AP2B1: variants seen among roughly 807,000 people sequenced by gnomAD.
AP2B1 encodes the protein adaptor related protein complex 2 subunit beta 1, also known as AP-2 complex subunit beta.
Under a neutral mutation model 102.0 loss-of-function variants are expected in AP2B1, and 23 were observed. The ratio of observed to expected loss-of-function variants is 0.23; its 90% confidence interval spans 0.16 to 0.32. The LOEUF (loss-of-function observed/expected upper bound fraction) is 0.32. Ranked by LOEUF, AP2B1 falls within the 10% of genes least tolerant of loss-of-function variation. The pLI is 1.00. For synonymous variants in AP2B1, 381 were observed against 421.2 expected (o/e 0.90, Z 1.17); for missense variants, 541 against 1,157.4 (o/e 0.47, Z 7.73).
At chr17:35,604,963 AT>A (rs1376668089) in intron 3 of AP2B1, among the ~76,000 whole-genome samples, 1 of 152,126 alleles carries the variant, frequency 6.6e-6, no homozygotes, top group Non-Finnish European at 1.5e-5. Context: ...TCACTCTGTC[AT>A]CCAGGCTAGA....
intron 3 of AP2B1, among the ~76,000 whole-genome samples, chr17:35,603,364 A>G (rs548725511): frequency 2.8e-4 from 43 of 152,336 alleles, no homozygotes; most frequent in African/African-American, 9.6e-4. Context: ...GTTATCCTAT[A>G]TTGTAAAGAT....
chr17:35,628,437 AC>A (rs2074374488), intron 9 of AP2B1, among the ~76,000 whole-genome samples: 1 of 152,172 alleles, frequency 6.6e-6, no homozygotes, highest in South Asian at 2.1e-4. Context: ...CTCTGTTTCT[AC>A]AAAAACTTTT....
chr17:35,655,044 A>C (rs1485750827), intron 13 of AP2B1, among the ~76,000 whole-genome samples: 1 of 152,168 alleles, frequency 6.6e-6, no homozygotes, highest in Non-Finnish European at 1.5e-5. Context: ...TTGGATTAAC[A>C]GTATAAATAA....
intron 18 of AP2B1, among the ~76,000 whole-genome samples, chr17:35,707,950 G>C (rs181633124): frequency 5.9e-5 from 9 of 152,316 alleles, no homozygotes; most frequent in African/African-American, 2.2e-4. Context: ...GGACACTTCT[G>C]GGAGAGAGAA....
intron 3 of AP2B1, among the ~76,000 whole-genome samples, chr17:35,602,880 G>A (rs1048687335): frequency 1.3e-5 from 2 of 150,772 alleles, no homozygotes; most frequent in African/African-American, 2.4e-5. Context: ...AACTATTTAG[G>A]ATCTTGAATT....
chr17:35,682,623 C>A (rs965727782), intron 17 of AP2B1, 72 bp from the exon 18 acceptor site: 1 of 1,512,690 alleles, frequency 6.6e-7, no homozygotes. Context: ...GGATTACAGG[C>A]ATGAGCCACC....
At position 35,723,929 on chromosome 17, in the gene AP2B1, T is replaced by C. The variant is rs2085475002; in HGVS notation, c.*230T>C. 1 of 450,312 alleles carries C rather than the reference T, an allele frequency of 2.2e-6. No individual in the cohort carries two copies. The highest frequency in any genetic ancestry group is 1.9e-5 in the African/African-American group (1 of 52,202). 27.9% of individuals were successfully genotyped at this position (450,312 alleles called of 1,614,324 possible). Reference sequence around the variant, plus strand: ...TCACCTCCCACCTCTTGCCACCTGCTGCTGCTATCTGTCCTTACTTGTGGG... The same window carrying C: ...TCACCTCCCACCTCTTGCCACCTGCCGCTGCTATCTGTCCTTACTTGTGGG... On this transcript the variant is annotated 3_prime_UTR_variant, in exon 22 of 22. Transcript: ENST00000610402.
At chr17:35,613,537 AT>A (rs1247117370) in intron 5 of AP2B1, among the ~76,000 whole-genome samples, 5 of 152,208 alleles carry the variant, frequency 3.3e-5, no homozygotes, top group South Asian at 2.1e-4. Flanking sequence ...AAGTAAAAAA[AT>A]CTCACTCTAT....
At position 35,624,410 on chromosome 17, in the gene AP2B1, C is replaced by T. The variant is rs1479558274; in HGVS notation, c.539C>T (p.Ala180Val). ...CTTCTTTTCCAGGTGGTGGCTAATG[C>T]CGTAGCGGCATTATCTGAAATCAGT... ...ADSNPMVVAN[A>V]VAALSEISES... The change falls in exon 6 of 22, where the codon GCC becomes GTC. Residue 180 changes from alanine to valine, a missense_variant. Physicochemically the swap from Ala to Val is moderately conservative, Grantham distance 64. Around this residue, in one of 10 missense-constraint regions of AP2B1, gnomAD observed 134 missense variants for 250.2 expected, o/e 0.54. Transcript: ENST00000610402. The T allele has an allele frequency of 6.2e-7, 1 of 1,613,930 alleles. No individual in the cohort carries two copies. Among genetic ancestry groups the T allele is most frequent in the Non-Finnish European group, 8.5e-7 (1 of 1,179,984 alleles).
chr17:35,611,543 C>T (rs555861207), intron 5 of AP2B1, among the ~76,000 whole-genome samples: 87 of 152,158 alleles, frequency 5.7e-4, no homozygotes, highest in African/African-American at 2.0e-3. Flanking sequence ...TCCAGATAAA[C>T]CGAGAAGAAT....
chr17:35,673,980 A>G (rs1200121909), intron 16 of AP2B1, among the ~76,000 whole-genome samples, 196 bp from the exon 17 acceptor site: 1 of 152,228 alleles, frequency 6.6e-6, no homozygotes, highest in Non-Finnish European at 1.5e-5. Flanking sequence ...AACGATCTCA[A>G]AATTCAGAAA....
Position 35,674,156 on chromosome 17 carries a change from A to T in AP2B1, c.2179-20A>T. ...AGATAAATCTTGTCTGATTCTATTG[A>T]GCTTTATACTGTGTTTCAGGTCTGG... is the stretch of plus-strand genomic sequence containing the variant. On this transcript the variant is annotated intron_variant, in intron 16 of 21. Transcript: ENST00000610402. 6.2e-7 allele frequency: 1 copy of T among 1,603,788 alleles called. No individual in the cohort carries two copies. Among genetic ancestry groups the T allele is most frequent in the Non-Finnish European group, 8.5e-7 (1 of 1,174,652 alleles).
chr17:35,636,514 C>T (rs1166595863), intron 10 of AP2B1, 58 bp downstream of exon 10: 2 of 1,305,282 alleles, frequency 1.5e-6, no homozygotes, highest in Non-Finnish European at 1.1e-6. Context: ...GTTTAAGGCA[C>T]TTTGAAATTG....
At chr17:35,674,026 ATATT>A (rs1364253250) in intron 16 of AP2B1, 146 bp from the exon 17 acceptor site, 1 of 703,054 alleles carries the variant, frequency 1.4e-6, no homozygotes, top group African/African-American at 1.8e-5. Flanking sequence ...CACTGGCTTG[ATATT>A]TATAGTATAA....
chr17:35,683,011 G>T (rs2075856926), intron 18 of AP2B1, among the ~76,000 whole-genome samples, 187 bp downstream of exon 18: 1 of 152,080 alleles, frequency 6.6e-6, no homozygotes, highest in Non-Finnish European at 1.5e-5. Flanking sequence ...CCAAGTAGCT[G>T]GGATTACAGG....
At chr17:35,612,601 G>C (rs2073895179) in intron 5 of AP2B1, among the ~76,000 whole-genome samples, 1 of 152,128 alleles carries the variant, frequency 6.6e-6, no homozygotes, top group African/African-American at 2.4e-5. Context: ...GTTTCACTTA[G>C]TTCTCACATT....
chr17:35,674,886 G>A (rs959946034), intron 17 of AP2B1, among the ~76,000 whole-genome samples: 3 of 152,188 alleles, frequency 2.0e-5, no homozygotes, highest in East Asian at 1.9e-4. Flanking sequence ...GGATTAGAAC[G>A]TTTTTGATAA....
At chr17:35,663,640 T>C (rs2075402857) in intron 14 of AP2B1, among the ~76,000 whole-genome samples, 1 of 152,204 alleles carries the variant, frequency 6.6e-6, no homozygotes, top group African/African-American at 2.4e-5. Flanking sequence ...TAAATATGGC[T>C]CATTGTCTTG....
In AP2B1 at chr17:35,682,229, C is replaced by T. The variant is rs116339065; in HGVS notation, c.2325-466C>T. ...GAGCTGAAATCATGCCACTTTGCTC[C>T]AGCCTGGGTGACAGAATGAGACCCT... is the stretch of plus-strand genomic sequence containing the variant. On this transcript the variant is annotated intron_variant, in intron 17 of 21. Coordinates refer to ENST00000610402, the MANE Select transcript of AP2B1 (RefSeq NM_001030006.2). 8.5e-3 allele frequency among the ~76,000 whole-genome samples: 1,277 copies of T among 150,332 alleles called. 11 individuals carry two copies. The highest frequency in any genetic ancestry group is 0.026 in the African/African-American group (1,056 of 40,742).
Sources: allele counts gnomAD v4.1 joint callset (sites outside exome capture counted in the v4.1 genomes callset), GRCh38; gene constraint gnomAD v4.1.1; regional missense constraint gnomAD v4.1.1; transcripts MANE v1.5; gene names NCBI Gene and HGNC (gene_info 2026-07-23, HGNC 2026-07-21).